FAM120A: variants seen among roughly 807,000 people sequenced by gnomAD.
The protein encoded by FAM120A is constitutive coactivator of PPAR-gamma-like protein 1.
A neutral mutation model predicts 109.7 loss-of-function variants in FAM120A; 15 were observed. The observed-to-expected ratio is 0.14, with a 90% confidence interval of 0.09 to 0.21. The LOEUF (loss-of-function observed/expected upper bound fraction) is 0.21, where lower values mean the gene tolerates loss of function less well. Ranked by LOEUF, FAM120A falls within the 10% of genes least tolerant of loss-of-function variation. FAM120A has a pLI of 1.00. For synonymous variants in FAM120A, 493 were observed against 572.8 expected, an observed-to-expected ratio of 0.86 and a Z score of 1.99; for missense variants, 899 against 1,439.3, an observed-to-expected ratio of 0.62 and a Z score of 6.07.
chr9:93,529,768 A>G, intron 9 of FAM120A, 188 bp downstream of exon 9: 2 of 634,476 alleles, frequency 3.2e-6, no homozygotes, highest in East Asian at 2.7e-5. Flanking sequence ...TAGTTTTAAA[A>G]TAACTCGTGA....
chr9:93,507,538 T>C (rs1860114772), intron 5 of FAM120A, among the ~76,000 whole-genome samples: 1 of 152,068 alleles, frequency 6.6e-6, no homozygotes, highest in Admixed American at 6.5e-5. Context: ...TTTGCTGGTG[T>C]GTAATGCTGA....
rs35062269 is a variant in FAM120A, at chr9:93,497,601, T to TA, written c.933+13dup. The TA allele has an allele frequency of 0.23, 264,210 of 1,152,394 alleles. 11,080 individuals are homozygous for TA. Among genetic ancestry groups the TA allele is most frequent in the African/African-American group, 0.47 (31,371 of 66,226 alleles). The allele number at this position is 1,152,394 out of a possible 1,614,324, so 71.4% of individuals were successfully genotyped here. On this transcript the variant is annotated splice_region_variant and intron_variant, in intron 4 of 17. Transcript: ENST00000277165. Reference sequence around the variant, plus strand: ...AAAGATGTTTTCCAGCATTCACAGGTAAAAAAAAAAACAAACAAAACAAAA... The same window carrying TA: ...AAAGATGTTTTCCAGCATTCACAGGTAAAAAAAAAAAACAAACAAAACAAAA...
chr9:93,531,625 A>G (rs1215885469), intron 9 of FAM120A, among the ~76,000 whole-genome samples: 1 of 152,216 alleles, frequency 6.6e-6, no homozygotes, highest in Non-Finnish European at 1.5e-5. Context: ...GTACTGAGAC[A>G]CATTTCTTGA....
Position 93,451,781 on chromosome 9 carries a change from G to A in FAM120A, c.-135G>A. ...CACATGGCGGCCGCGGCGGCCATGA[G>A]CGCGCCCCCGACCCGCCCCAGTCCC... is the stretch of plus-strand genomic sequence containing the variant. On this transcript the variant is annotated 5_prime_UTR_variant, in exon 1 of 18. Coordinates refer to ENST00000277165, the MANE Select transcript of FAM120A (RefSeq NM_014612.5). 3.1e-6 allele frequency: 3 copies of A among 979,800 alleles called. No individual in the cohort carries two copies. The highest frequency in any genetic ancestry group is 2.4e-6 in the Non-Finnish European group (2 of 828,184). 60.7% of individuals were successfully genotyped at this position (979,800 alleles called of 1,614,324 possible).
rs755675838 is a variant in FAM120A at position 93,532,150 on chromosome 9, C to T, written c.1735-5C>T. The T allele has an allele frequency of 2.5e-6, 4 of 1,613,006 alleles. No homozygotes were observed. Among genetic ancestry groups the T allele is most frequent in the Non-Finnish European group, 2.5e-6 (3 of 1,179,342 alleles). ...CAATGTTATTCTGCTTTCTTCCATG[C>T]AAAGGGTGAAATCAAAATTGCTGTT... is the stretch of plus-strand genomic sequence containing the variant. On this transcript the variant is annotated splice_polypyrimidine_tract_variant and splice_region_variant and intron_variant, in intron 9 of 17. Transcript: ENST00000277165. This position sits in a 1 kb window ranked among gnomAD's most constrained non-coding sequence, Gnocchi z 4.3.
At chr9:93,483,391 T>A (rs1221487906) in intron 3 of FAM120A, among the ~76,000 whole-genome samples, 1 of 152,068 alleles carries the variant, frequency 6.6e-6, no homozygotes, top group Non-Finnish European at 1.5e-5. Context: ...TGTTTTTTTT[T>A]TAAACATAGT....
chr9:93,518,563 C>T (rs1409243580), intron 7 of FAM120A, among the ~76,000 whole-genome samples: 4 of 152,186 alleles, frequency 2.6e-5, no homozygotes, highest in African/African-American at 9.7e-5. Flanking sequence ...TACCAGTGAA[C>T]AGGGCAGAGG....
At chr9:93,540,702 C>T (rs1019190152) in intron 10 of FAM120A, among the ~76,000 whole-genome samples, 1 of 152,150 alleles carries the variant, frequency 6.6e-6, no homozygotes, top group Non-Finnish European at 1.5e-5. Context: ...TTGTCGGAGC[C>T]TGCAGCTGGA....
intron 12 of FAM120A, among the ~76,000 whole-genome samples, 178 bp downstream of exon 12, chr9:93,550,869 T>C (rs1862072703): frequency 6.6e-6 from 1 of 152,242 alleles, no homozygotes; most frequent in South Asian, 2.1e-4. Flanking sequence ...AAAAGGAATA[T>C]TCCTTTCTAG....
At chr9:93,497,708 A>G in intron 4 of FAM120A, 109 bp downstream of exon 4, 1 of 1,346,372 alleles carries the variant, frequency 7.4e-7, no homozygotes, top group African/African-American at 1.5e-5. Flanking sequence ...AGCTGACTGG[A>G]TGGGTCTGAG....
chr9:93,520,945 A>C (rs908853515), intron 7 of FAM120A, among the ~76,000 whole-genome samples: 2 of 152,142 alleles, frequency 1.3e-5, no homozygotes, highest in Non-Finnish European at 2.9e-5. Flanking sequence ...TATCTTATTC[A>C]GCATTTTAGT....
chr9:93,464,000 G>A (rs1274318149), intron 1 of FAM120A, among the ~76,000 whole-genome samples: 4 of 152,160 alleles, frequency 2.6e-5, no homozygotes, highest in African/African-American at 9.7e-5. Flanking sequence ...TGAGATAGAG[G>A]AATACTATTA....
chr9:93,495,499 C>T (rs1327654311), intron 3 of FAM120A, among the ~76,000 whole-genome samples: 1 of 152,114 alleles, frequency 6.6e-6, no homozygotes, highest in Non-Finnish European at 1.5e-5. Flanking sequence ...AGAGCAGGGG[C>T]CTGGAGGGGA....
At chr9:93,553,439 A>G (rs911535205) in intron 12 of FAM120A, among the ~76,000 whole-genome samples, 1 of 152,266 alleles carries the variant, frequency 6.6e-6, no homozygotes, top group Non-Finnish European at 1.5e-5. Context: ...ATTATTTTGC[A>G]TATAGGTAAA....
chr9:93,452,095 C>T lies in FAM120A; in HGVS notation c.180C>T (p.Gly60=). The part of the protein sequence containing the change: ...ADNCLHRLYG[G]FYTDWVSGGQ... ...ACTGCCTGCACCGCCTCTACGGCGGCTTCTACACCGACTGGGTCAGCGGCG... is the reference window on the plus strand; with the variant it reads ...ACTGCCTGCACCGCCTCTACGGCGGTTTCTACACCGACTGGGTCAGCGGCG... The change falls in exon 1 of 18, where the codon GGC becomes GGT. Residue 60 remains glycine, a synonymous_variant. Coordinates refer to ENST00000277165, the MANE Select transcript of FAM120A (RefSeq NM_014612.5). The surrounding 1 kb of genome is among the most constrained non-coding windows in gnomAD (Gnocchi z 7.0). The T allele has an allele frequency of 1.9e-6, 3 of 1,609,306 alleles. No homozygotes were observed. Among genetic ancestry groups the T allele is most frequent in the South Asian group, 1.1e-5 (1 of 90,716 alleles).
At chr9:93,467,753 T>C (rs886645005) in intron 1 of FAM120A, among the ~76,000 whole-genome samples, 1 of 152,210 alleles carries the variant, frequency 6.6e-6, no homozygotes, top group African/African-American at 2.4e-5. Context: ...TTGTACTGAA[T>C]TATTGTTTGC....
intron 15 of FAM120A, 67 bp downstream of exon 15, chr9:93,558,785 C>T: frequency 6.4e-7 from 1 of 1,566,326 alleles, no homozygotes; most frequent in Admixed American, 1.7e-5. Flanking sequence ...TCGTCTGGCG[C>T]CTTCCTTCCT....
At chr9:93,540,609 G>A (rs1861659186) in intron 10 of FAM120A, among the ~76,000 whole-genome samples, 1 of 152,062 alleles carries the variant, frequency 6.6e-6, no homozygotes, top group Non-Finnish European at 1.5e-5. Context: ...GTTTCTTTCT[G>A]GGCTGTGTCG....
chr9:93,532,784 A>G lies in FAM120A; in HGVS notation c.1909+455A>G, dbSNP rs185595455. Among the ~76,000 whole-genome samples, 3 of 152,160 alleles carry G rather than the reference A, an allele frequency of 2.0e-5. No homozygotes were observed. Among genetic ancestry groups the G allele is most frequent in the East Asian group, 1.9e-4 (1 of 5,188 alleles). ...TTGTGCTGTTGGAGTGCCACCACGC[A>G]TGGCTCTGCAGCTGTAGCGAAGGTC... On this transcript the variant is annotated intron_variant, in intron 10 of 17. Transcript: ENST00000277165. The surrounding 1 kb of genome is among the most constrained non-coding windows in gnomAD (Gnocchi z 4.3).
Sources: gnomAD v4.1 joint callset for allele counts (sites outside exome capture counted in the v4.1 genomes callset) on GRCh38, gnomAD v4.1.1 for gene constraint, Gnocchi (gnomAD v3.1) non-coding constraint, MANE v1.5 for transcripts, NCBI Gene and HGNC (gene_info 2026-07-23, HGNC 2026-07-21) for gene names.